Variants in CFAP44 observed in about 807,000 individuals in gnomAD.
CFAP44 encodes the protein cilia and flagella associated protein 44.
A neutral mutation model predicts 216.2 loss-of-function variants in CFAP44; 134 were observed. The ratio of observed to expected loss-of-function variants is 0.62; its 90% confidence interval spans 0.54 to 0.72. The LOEUF (loss-of-function observed/expected upper bound fraction) is 0.72, where lower values mean the gene tolerates loss of function less well. Ranked by LOEUF, CFAP44 falls within the 30% of genes least tolerant of loss-of-function variation. The pLI is 0.00. For missense variants in CFAP44, 2,035 were observed against 2,182.1 expected (o/e 0.93, Z 1.34); for synonymous variants, 700 against 727.6 (o/e 0.96, Z 0.61).
intron 1 of CFAP44, among the ~76,000 whole-genome samples, chr3:113,437,302 CAT>C (rs1935260774): frequency 6.6e-6 from 1 of 152,128 alleles, no homozygotes; most frequent in South Asian, 2.1e-4. Context: ...TTTATTTTAA[CAT>C]ACTATAACTG....
intron 2 of CFAP44, among the ~76,000 whole-genome samples, chr3:113,430,872 T>C (rs1935088763): frequency 6.6e-6 from 1 of 152,186 alleles, no homozygotes; most frequent in South Asian, 2.1e-4. Context: ...AATAATTTAG[T>C]CCTTTGATAA....
intron 28 of CFAP44, among the ~76,000 whole-genome samples, chr3:113,321,598 T>C (rs1177207891): frequency 6.6e-6 from 1 of 152,208 alleles, no homozygotes; most frequent in African/African-American, 2.4e-5. Context: ...GCTGGTGATA[T>C]GATTCTATAC....
chr3:113,346,526 G>T (rs7621031), intron 22 of CFAP44, among the ~76,000 whole-genome samples: 9,461 of 151,578 alleles, frequency 0.062, 576 homozygotes, highest in African/African-American at 0.15. Flanking sequence ...CTAGCTAAAG[G>T]ATTTTAAGTG....
intron 28 of CFAP44, among the ~76,000 whole-genome samples, chr3:113,320,303 T>A (rs1243258654): frequency 6.6e-6 from 1 of 150,384 alleles, no homozygotes; most frequent in African/African-American, 2.4e-5. Context: ...GCAAATCAGA[T>A]CCCCCAGTGC....
intron 28 of CFAP44, among the ~76,000 whole-genome samples, chr3:113,311,306 C>A (rs928242522): frequency 3.9e-5 from 6 of 152,214 alleles, no homozygotes; most frequent in African/African-American, 1.4e-4. Context: ...GAAATCTCAT[C>A]TTGAATTGTA....
chr3:113,337,274 G>GA (rs1950289333), intron 24 of CFAP44, among the ~76,000 whole-genome samples: 1 of 151,844 alleles, frequency 6.6e-6, no homozygotes, highest in Admixed American at 6.6e-5. Flanking sequence ...TTTTTATGCT[G>GA]AAAACAGCAA....
chr3:113,388,945 A>G (rs1369734416), intron 15 of CFAP44, among the ~76,000 whole-genome samples: 2 of 152,222 alleles, frequency 1.3e-5, no homozygotes, highest in Non-Finnish European at 2.9e-5. Context: ...CTAACACCCA[A>G]CTGTCAACAC....
At chr3:113,371,189 C>T (rs964418422) in intron 18 of CFAP44, among the ~76,000 whole-genome samples, 5 of 152,182 alleles carry the variant, frequency 3.3e-5, no homozygotes, top group African/African-American at 4.8e-5. Flanking sequence ...CCATCCCCAT[C>T]AAGCTACCAA....
At chr3:113,306,024 T>A (rs1337197951) in intron 30 of CFAP44, among the ~76,000 whole-genome samples, 177 bp downstream of exon 30, 1 of 152,100 alleles carries the variant, frequency 6.6e-6, no homozygotes, top group African/African-American at 2.4e-5. Context: ...GTAAGTCCAA[T>A]GATCAAAAAA....
At chr3:113,292,124 T>A (rs1277169859) in intron 34 of CFAP44, among the ~76,000 whole-genome samples, 2 of 152,200 alleles carry the variant, frequency 1.3e-5, no homozygotes, top group African/African-American at 4.8e-5. Flanking sequence ...TATTTCCCTG[T>A]CCAGCTGACT....
At chr3:113,292,219 G>A (rs932948978) in intron 34 of CFAP44, among the ~76,000 whole-genome samples, 7 of 151,908 alleles carry the variant, frequency 4.6e-5, no homozygotes, top group African/African-American at 1.2e-4. Context: ...CTGTTTTATC[G>A]AAACATCCAT....
intron 24 of CFAP44, among the ~76,000 whole-genome samples, chr3:113,340,655 G>C: frequency 6.6e-6 from 1 of 152,196 alleles, no homozygotes; most frequent in East Asian, 1.9e-4. Context: ...CGACCCCATG[G>C]CAGTGTCTAG....
intron 16 of CFAP44, among the ~76,000 whole-genome samples, chr3:113,380,001 C>G (rs1420574683): frequency 6.6e-6 from 1 of 152,042 alleles, no homozygotes; most frequent in African/African-American, 2.4e-5. Context: ...TTCTGTTCAC[C>G]CTTCAGAATA....
intron 3 of CFAP44, chr3:113,426,895 T>C (rs1380567178): frequency 3.1e-6 from 1 of 327,448 alleles, no homozygotes; most frequent in African/African-American, 2.2e-5. Flanking sequence ...GAACTCCCAA[T>C]TACTTCCAAA....
chr3:113,426,418 T>C, intron 3 of CFAP44, 141 bp from the exon 4 acceptor site: 1 of 821,696 alleles, frequency 1.2e-6, no homozygotes, highest in Non-Finnish European at 1.9e-6. Flanking sequence ...CAGGGGCTGT[T>C]ACCTCCATGC....
intron 13 of CFAP44, 66 bp from the exon 14 acceptor site, chr3:113,396,793 G>A (rs1396846452): frequency 6.9e-7 from 1 of 1,458,416 alleles, no homozygotes; most frequent in African/African-American, 1.4e-5. Context: ...CTATATAACA[G>A]ATATTTTATT....
At chr3:113,382,214 G>C (rs1933533335) in intron 15 of CFAP44, among the ~76,000 whole-genome samples, 1 of 152,126 alleles carries the variant, frequency 6.6e-6, no homozygotes, top group Non-Finnish European at 1.5e-5. Flanking sequence ...GAGAAAGAAT[G>C]ACAAGATGTG....
chr3:113,335,701 G>A (rs1480138563), intron 24 of CFAP44, among the ~76,000 whole-genome samples: 1 of 152,160 alleles, frequency 6.6e-6, no homozygotes, highest in African/African-American at 2.4e-5. Flanking sequence ...AGAGAGAAAG[G>A]CATAGAAGAT....
intron 24 of CFAP44, among the ~76,000 whole-genome samples, chr3:113,333,880 T>C (rs1241125205): frequency 2.0e-5 from 3 of 152,216 alleles, no homozygotes; most frequent in African/African-American, 7.2e-5. Flanking sequence ...ATATTAACAT[T>C]GTTATTTATT....
Sources: allele counts gnomAD v4.1 joint callset (sites outside exome capture counted in the v4.1 genomes callset), GRCh38; gene constraint gnomAD v4.1.1; transcripts MANE v1.5; gene names NCBI Gene and HGNC (gene_info 2026-07-23, HGNC 2026-07-21).